SCAMP1: variants seen among roughly 807,000 people sequenced by gnomAD.
The protein encoded by SCAMP1 is secretory carrier membrane protein 1, also known as secretory carrier-associated membrane protein 1.
SCAMP1 carries 15 observed loss-of-function variants against 41.8 expected under a neutral mutation model. The observed-to-expected ratio is 0.36, with a 90% CI of 0.24 to 0.55. The LOEUF (loss-of-function observed/expected upper bound fraction) is 0.55, where lower values mean the gene tolerates loss of function less well. Among genes scored for constraint, SCAMP1 ranks in the 20% least tolerant of loss-of-function variants. SCAMP1 has a pLI of 0.86. For synonymous variants in SCAMP1, 135 were observed against 136.8 expected, an observed-to-expected ratio of 0.99 and a Z score of 0.09; for missense variants, 341 against 412.6, an observed-to-expected ratio of 0.83 and a Z score of 1.50.
intron 1 of SCAMP1, chr5:78,360,941 G>T: frequency 1.8e-6 from 1 of 565,616 alleles, no homozygotes; most frequent in Admixed American, 3.2e-5. Context: ...CTCAGCTCGT[G>T]CCCGGTCGCC....
chr5:78,447,167 T>C (rs1753071117), intron 6 of SCAMP1, among the ~76,000 whole-genome samples: 1 of 152,174 alleles, frequency 6.6e-6, no homozygotes, highest in Admixed American at 6.5e-5. Context: ...CACCCCACCA[T>C]ACGTAGAAAA....
intron 1 of SCAMP1, among the ~76,000 whole-genome samples, chr5:78,387,891 C>T (rs76139827): frequency 0.011 from 1,667 of 152,282 alleles, 35 homozygotes; most frequent in African/African-American, 0.038. Flanking sequence ...TTTTTAAGTA[C>T]GCTGGTTTTG....
chr5:78,401,295 G>GT (rs1478524132), intron 2 of SCAMP1, among the ~76,000 whole-genome samples: 2 of 152,000 alleles, frequency 1.3e-5, no homozygotes, highest in African/African-American at 4.8e-5. Context: ...TTGATCTATA[G>GT]TTTTTTTGTA....
At chr5:78,402,737 T>A (rs1247216695) in intron 2 of SCAMP1, among the ~76,000 whole-genome samples, 3 of 152,226 alleles carry the variant, frequency 2.0e-5, no homozygotes, top group Non-Finnish European at 2.9e-5. Flanking sequence ...TTTTTGATCA[T>A]CTCATAATCT....
At chr5:78,443,213 A>G (rs1752970189) in intron 6 of SCAMP1, among the ~76,000 whole-genome samples, 1 of 18,516 alleles carries the variant, frequency 5.4e-5, no homozygotes, top group Non-Finnish European at 1.7e-4. Flanking sequence ...ACTCTGTCTC[A>G]AAAAAAAAAA....
At chr5:78,426,681 A>G (rs945353769) in intron 6 of SCAMP1, among the ~76,000 whole-genome samples, 21 of 152,172 alleles carry the variant, frequency 1.4e-4, no homozygotes, top group African/African-American at 4.8e-4. Context: ...GAACTTTTCC[A>G]TCCTTCCCAA....
chr5:78,368,039 G>A (rs1403400483), intron 1 of SCAMP1, among the ~76,000 whole-genome samples: 1 of 152,156 alleles, frequency 6.6e-6, no homozygotes, highest in Non-Finnish European at 1.5e-5. Flanking sequence ...AAAATTGGGA[G>A]CCCAGAAGTT....
intron 1 of SCAMP1, among the ~76,000 whole-genome samples, chr5:78,383,387 G>A (rs13357004): frequency 0.17 from 26,479 of 151,964 alleles, 3,059 homozygotes; most frequent in Admixed American, 0.34. Flanking sequence ...CCTATGTGTT[G>A]TCTGTTTGCT....
intron 1 of SCAMP1, among the ~76,000 whole-genome samples, chr5:78,385,414 A>G (rs1023578278): frequency 6.6e-6 from 1 of 151,630 alleles, no homozygotes; most frequent in Non-Finnish European, 1.5e-5. Context: ...TGATTCTTTT[A>G]TCTTTTGTAT....
intron 2 of SCAMP1, among the ~76,000 whole-genome samples, chr5:78,401,887 C>T (rs1052013620): frequency 1.3e-5 from 2 of 151,932 alleles, no homozygotes; most frequent in Non-Finnish European, 2.9e-5. Context: ...ATTTGCTCTT[C>T]TTTTTCTAAT....
chr5:78,401,754 T>C (rs932228101), intron 2 of SCAMP1, among the ~76,000 whole-genome samples: 1 of 152,208 alleles, frequency 6.6e-6, no homozygotes, highest in Non-Finnish European at 1.5e-5. Context: ...AGAGGCTTAT[T>C]GAGTTTATCG....
At chr5:78,409,427 A>ACACACC in intron 2 of SCAMP1, among the ~76,000 whole-genome samples, 1 of 143,918 alleles carries the variant, frequency 6.9e-6, no homozygotes, top group East Asian at 1.9e-4. Flanking sequence ...ATAGATACAC[A>ACACACC]CACACACACA....
At chr5:78,413,253 G>A (rs1752125872) in intron 2 of SCAMP1, among the ~76,000 whole-genome samples, 1 of 151,978 alleles carries the variant, frequency 6.6e-6, no homozygotes, top group Non-Finnish European at 1.5e-5. Flanking sequence ...TCAAGTTTCT[G>A]CATTTGTGTG....
rs752697244 is a variant in SCAMP1 at position 78,477,652 on chromosome 5, T to G, written c.*1984T>G. On this transcript the variant is annotated 3_prime_UTR_variant, in exon 9 of 9. Coordinates refer to ENST00000621999, the MANE Select transcript of SCAMP1 (RefSeq NM_004866.6). ...TTGGAATGTTTATATTATGTAGAAA[T>G]CTTCAAAGGTAGCATTATTAAATAG... 6.6e-6 allele frequency: 1 copy of G among 152,178 alleles called. No individual in the cohort carries two copies. Among genetic ancestry groups the G allele is most frequent in the Non-Finnish European group, 1.5e-5 (1 of 67,980 alleles). 9.4% of individuals were successfully genotyped at this position (152,178 alleles called of 1,614,324 possible).
rs184684023 is a variant in SCAMP1, at chr5:78,443,801, G to A, written c.633-6132G>A. ...AGCCTCCCAAATAGGCAGGACTACA[G>A]GCATGTGCCACTACACCTAATTTTT... is the stretch of plus-strand genomic sequence containing the variant. On this transcript the variant is annotated intron_variant, in intron 6 of 8. Coordinates refer to ENST00000621999, the MANE Select transcript of SCAMP1 (RefSeq NM_004866.6). Among the ~76,000 whole-genome samples the A allele has an allele frequency of 3.3e-5, 5 of 151,670 alleles. No homozygotes were observed. In the East Asian group the frequency reaches 9.7e-4, roughly 29 times the overall value.
chr5:78,432,930 T>G (rs187006837), intron 6 of SCAMP1, among the ~76,000 whole-genome samples: 72 of 152,290 alleles, frequency 4.7e-4, no homozygotes, highest in Non-Finnish European at 6.0e-4. Flanking sequence ...TTTCCATTCT[T>G]TTTTACTTTT....
intron 6 of SCAMP1, among the ~76,000 whole-genome samples, chr5:78,428,118 G>T (rs1458891982): frequency 6.6e-6 from 1 of 151,872 alleles, no homozygotes. Context: ...CATAACCCAT[G>T]GCCATAAAGA....
At position 78,399,084 on chromosome 5, in the gene SCAMP1, G is replaced by C. The variant is rs1751735542; in HGVS notation, c.135+10170G>C. Among the ~76,000 whole-genome samples the C allele has an allele frequency of 4.6e-5, 7 of 152,218 alleles. No individual in the cohort carries two copies. The South Asian group carries it at 1.5e-3, about 32-fold the overall frequency. ...GAATCATACATAATGTAGCCTTTCA[G>C]ATTGGCTTTTTTCACTTAGTAGTAT... On this transcript the variant is annotated intron_variant, in intron 2 of 8. Coordinates refer to ENST00000621999, the MANE Select transcript of SCAMP1 (RefSeq NM_004866.6).
In SCAMP1 at chr5:78,465,464, C is replaced by G. The variant is rs139780657; in HGVS notation, c.852+6102C>G. Reference sequence around the variant, plus strand: ...TGCTTTCAGGTTGTAATTCTCACATCTGGAACAGTGACATGCAGTGATTGG... The same window carrying G: ...TGCTTTCAGGTTGTAATTCTCACATGTGGAACAGTGACATGCAGTGATTGG... On this transcript the variant is annotated intron_variant, in intron 8 of 8. Coordinates refer to ENST00000621999, the MANE Select transcript of SCAMP1 (RefSeq NM_004866.6). Among the ~76,000 whole-genome samples the G allele has an allele frequency of 2.4e-4, 37 of 152,224 alleles. No homozygotes were observed. The Middle Eastern group carries it at 0.014, about 56-fold the overall frequency.
Sources: allele counts gnomAD v4.1 joint callset (sites outside exome capture counted in the v4.1 genomes callset), GRCh38; gene constraint gnomAD v4.1.1; transcripts MANE v1.5; gene names NCBI Gene and HGNC (gene_info 2026-07-23, HGNC 2026-07-21).